Variants in KCNIP1 observed in about 807,000 individuals in gnomAD.
The protein encoded by KCNIP1 is potassium voltage-gated channel interacting protein 1, also known as A-type potassium channel modulatory protein KCNIP1.
In KCNIP1, 18 loss-of-function variants were observed where a neutral mutation model predicts 33.0. The observed-to-expected ratio is 0.55, with a 90% confidence interval of 0.38 to 0.81. The LOEUF (loss-of-function observed/expected upper bound fraction) is 0.81. Ranked by LOEUF, KCNIP1 falls within the 30% of genes least tolerant of loss-of-function variation. The pLI, the probability that KCNIP1 is intolerant of heterozygous loss-of-function variation, is 0.00. For missense variants in KCNIP1, 238 were observed against 271.6 expected (o/e 0.88, Z 0.87); for synonymous variants, 93 against 98.3 (o/e 0.95, Z 0.32).
intron 1 of KCNIP1, among the ~76,000 whole-genome samples, chr5:170,552,467 G>A (rs1561683003): frequency 6.6e-6 from 1 of 152,208 alleles, no homozygotes; most frequent in Non-Finnish European, 1.5e-5. Context: ...GCCACGAGGA[G>A]GGGAGTGTGG....
chr5:170,713,569 C>T (rs1311460640), intron 1 of KCNIP1, among the ~76,000 whole-genome samples: 4 of 152,198 alleles, frequency 2.6e-5, no homozygotes, highest in African/African-American at 9.7e-5. Context: ...CAGATAATCC[C>T]ATTTTCCAAG....
chr5:170,386,155 G>A (rs991588440), intron 1 of KCNIP1, among the ~76,000 whole-genome samples: 5 of 151,770 alleles, frequency 3.3e-5, no homozygotes, highest in African/African-American at 4.8e-5. Flanking sequence ...AAAAGATAAA[G>A]GCTCTTGAAA....
chr5:170,674,166 AG>A, intron 1 of KCNIP1, among the ~76,000 whole-genome samples: 1 of 67,180 alleles, frequency 1.5e-5, no homozygotes, highest in Non-Finnish European at 2.4e-5. Flanking sequence ...GAAGGAAGGA[AG>A]GAAGGAAGGA....
At chr5:170,693,693 G>A (rs1762801100) in intron 1 of KCNIP1, among the ~76,000 whole-genome samples, 1 of 152,162 alleles carries the variant, frequency 6.6e-6, no homozygotes, top group East Asian at 1.9e-4. Flanking sequence ...TATAAATGCT[G>A]AAATTTTTCA....
chr5:170,673,381 G>A (rs952045398), intron 1 of KCNIP1, among the ~76,000 whole-genome samples: 3 of 152,318 alleles, frequency 2.0e-5, no homozygotes, highest in Non-Finnish European at 1.5e-5. Context: ...TGATGATGAC[G>A]ACCATGACAG....
intron 1 of KCNIP1, among the ~76,000 whole-genome samples, chr5:170,395,925 C>A (rs1344773198): frequency 6.6e-6 from 1 of 152,182 alleles, no homozygotes; most frequent in Non-Finnish European, 1.5e-5. Context: ...CTGTGTGAAT[C>A]GGTGTCCCTA....
chr5:170,673,176 C>T (rs928103300), intron 1 of KCNIP1, among the ~76,000 whole-genome samples: 1 of 152,228 alleles, frequency 6.6e-6, no homozygotes, highest in African/African-American at 2.4e-5. Context: ...CCCCGCCCAA[C>T]CCCGATTAGT....
intron 5 of KCNIP1, among the ~76,000 whole-genome samples, chr5:170,728,067 T>C (rs566338590): frequency 1.2e-3 from 186 of 152,336 alleles, no homozygotes; most frequent in Non-Finnish European, 2.2e-3. Context: ...TATCAAAAGA[T>C]CAAACCATTT....
At position 170,551,084 on chromosome 5, in the gene KCNIP1, C is replaced by T. The variant is rs538399214; in HGVS notation, c.61+46451C>T. ...TGGGTACAGGCGCACTCACTCACTCCGTGCACTTTTACACTTTTATGCCTT... is the reference window on the plus strand; with the variant it reads ...TGGGTACAGGCGCACTCACTCACTCTGTGCACTTTTACACTTTTATGCCTT... On this transcript the variant is annotated intron_variant, in intron 1 of 7. Coordinates refer to ENST00000328939, the MANE Select transcript of KCNIP1 (RefSeq NM_014592.4). Among the ~76,000 whole-genome samples, 3 of 152,294 alleles carry T rather than the reference C, an allele frequency of 2.0e-5. No individual in the cohort carries two copies. The South Asian group carries it at 6.2e-4, about 32-fold the overall frequency.
intron 1 of KCNIP1, among the ~76,000 whole-genome samples, chr5:170,690,698 A>G (rs1237882639): frequency 1.3e-5 from 2 of 152,364 alleles, no homozygotes; most frequent in South Asian, 4.1e-4. Context: ...CCCAGCCCTC[A>G]GGCACATCAG....
intron 1 of KCNIP1, among the ~76,000 whole-genome samples, chr5:170,589,804 G>GGTGCGGTGCA (rs1554103011): frequency 1.3e-5 from 2 of 150,260 alleles, no homozygotes; most frequent in Non-Finnish European, 3.0e-5. Flanking sequence ...TGTGCGGTGC[G>GGTGCGGTGCA]GTGCGGTGCG....
At chr5:170,613,933 T>C (rs1389436489) in intron 1 of KCNIP1, among the ~76,000 whole-genome samples, 1 of 152,198 alleles carries the variant, frequency 6.6e-6, no homozygotes, top group Non-Finnish European at 1.5e-5. Context: ...AATGCATCAG[T>C]GGCTTCCAGC....
At chr5:170,634,623 G>A (rs1760212844) in intron 1 of KCNIP1, among the ~76,000 whole-genome samples, 1 of 152,160 alleles carries the variant, frequency 6.6e-6, no homozygotes, top group South Asian at 2.1e-4. Context: ...GTGTAAAGAG[G>A]GAAGAAAAGA....
chr5:170,547,206 CT>C lies in KCNIP1; in HGVS notation c.61+42576del, dbSNP rs1756444778. ...TTCTCCGTCACAGGTTGTGATGTTA[CT>C]TTCATCTTCTGGAATTGTTCTTCCA... On this transcript the variant is annotated intron_variant, in intron 1 of 7. Transcript: ENST00000328939. Among the ~76,000 whole-genome samples, 3 of 152,290 alleles carry C rather than the reference CT, an allele frequency of 2.0e-5. No homozygotes were observed. In the South Asian group the frequency reaches 6.2e-4, roughly 32 times the overall value.
chr5:170,418,833 A>G (rs1444966641), intron 1 of KCNIP1, among the ~76,000 whole-genome samples: 2 of 152,188 alleles, frequency 1.3e-5, no homozygotes, highest in East Asian at 1.9e-4. Context: ...AGCAGCAGCT[A>G]TCCATACAAG....
chr5:170,719,834 T>G (rs892206417), intron 2 of KCNIP1, among the ~76,000 whole-genome samples: 1 of 152,098 alleles, frequency 6.6e-6, no homozygotes, highest in Non-Finnish European at 1.5e-5. Flanking sequence ...GGCAGCCGAG[T>G]TGGAGAAGGA....
At position 170,723,464 on chromosome 5, in the gene KCNIP1, A is replaced by G. The variant is rs11958927; in HGVS notation, c.435+644A>G. ...CCTGGTATCTCAGTGGAAGCTGGAA[A>G]TTGGCATCCTGTAACACTCCACTTG... On this transcript the variant is annotated intron_variant, in intron 5 of 7. Transcript: ENST00000328939. Among the ~76,000 whole-genome samples, 428 of 152,204 alleles carry G rather than the reference A, an allele frequency of 2.8e-3. 2 individuals carry two copies. The highest frequency in any genetic ancestry group is 9.7e-3 in the African/African-American group (402 of 41,522).
At chr5:170,476,785 C>G (rs1406504101) in intron 1 of KCNIP1, among the ~76,000 whole-genome samples, 1 of 152,172 alleles carries the variant, frequency 6.6e-6, no homozygotes, top group Non-Finnish European at 1.5e-5. Flanking sequence ...CACTCTCTAC[C>G]ATATATCAAA....
intron 5 of KCNIP1, among the ~76,000 whole-genome samples, chr5:170,725,373 C>T (rs1009995382): frequency 2.0e-5 from 3 of 152,080 alleles, no homozygotes; most frequent in Admixed American, 1.3e-4. Flanking sequence ...TCATCTACAA[C>T]GTGGATGGAA....
Sources: allele counts gnomAD v4.1 joint callset (sites outside exome capture counted in the v4.1 genomes callset), GRCh38; gene constraint gnomAD v4.1.1; transcripts MANE v1.5; gene names NCBI Gene and HGNC (gene_info 2026-07-23, HGNC 2026-07-21).